UBTD1: variants seen among roughly 807,000 people sequenced by gnomAD.
UBTD1 encodes ubiquitin domain-containing protein 1.
Under a neutral mutation model 21.7 loss-of-function variants are expected in UBTD1, and 19 were observed. That is an observed-to-expected ratio of 0.87 (90% CI 0.61 to 1.28). UBTD1 has a LOEUF of 1.28. Ranked by LOEUF, UBTD1 falls within the 50% of genes most tolerant of loss-of-function variation. UBTD1 has a pLI of 0.00. For missense variants in UBTD1, 282 were observed against 315.1 expected (o/e 0.89, Z 0.80); for synonymous variants, 116 against 135.1 (o/e 0.86, Z 0.98).
Position 97,570,666 on chromosome 10 carries a change from A to G in UBTD1, c.*143A>G. Reference sequence around the variant, plus strand: ...GAGCCGTGAAGGGACCCTGCCTTTCAGGGCACTACGCGCCACCAGTTCCCG... The same window carrying G: ...GAGCCGTGAAGGGACCCTGCCTTTCGGGGCACTACGCGCCACCAGTTCCCG... On this transcript the variant is annotated 3_prime_UTR_variant, in exon 3 of 3. Transcript: ENST00000370664. This position sits in a 1 kb window ranked among gnomAD's most constrained non-coding sequence, Gnocchi z 6.6. The G allele has an allele frequency of 9.5e-7, 1 of 1,050,602 alleles. No homozygotes were observed. Among genetic ancestry groups the G allele is most frequent in the South Asian group, 1.7e-5 (1 of 60,234 alleles). The allele number at this position is 1,050,602 out of a possible 1,614,324, so 65.1% of individuals were successfully genotyped here.
At chr10:97,551,605 C>T (rs1337658280) in intron 1 of UBTD1, among the ~76,000 whole-genome samples, 1 of 152,148 alleles carries the variant, frequency 6.6e-6, no homozygotes, top group East Asian at 1.9e-4. Flanking sequence ...GCTGCTGAAA[C>T]CAGCAGAGCC....
chr10:97,565,643 T>C (rs1331536200), intron 1 of UBTD1, among the ~76,000 whole-genome samples: 1 of 152,134 alleles, frequency 6.6e-6, no homozygotes, highest in Non-Finnish European at 1.5e-5. Flanking sequence ...CAGAGTGACC[T>C]TGTCTCTCAA....
chr10:97,563,597 C>G (rs912997484), intron 1 of UBTD1, among the ~76,000 whole-genome samples: 1 of 151,934 alleles, frequency 6.6e-6, no homozygotes, highest in African/African-American at 2.4e-5. Context: ...GAGGGTACCC[C>G]GTCAGCAAAG....
chr10:97,567,593 A>C (rs2135690055), intron 1 of UBTD1, among the ~76,000 whole-genome samples: 1 of 152,024 alleles, frequency 6.6e-6, no homozygotes, highest in African/African-American at 2.4e-5. Flanking sequence ...CGGGAGGCGG[A>C]GGTTGCAGTG....
intron 1 of UBTD1, among the ~76,000 whole-genome samples, chr10:97,530,532 T>A (rs763978662): frequency 1.1e-4 from 16 of 152,116 alleles, no homozygotes; most frequent in Non-Finnish European, 1.6e-4. Flanking sequence ...AAAAACAGGA[T>A]TTTTTTGAAG....
chr10:97,563,094 G>A (rs2135687802), intron 1 of UBTD1, among the ~76,000 whole-genome samples: 1 of 152,242 alleles, frequency 6.6e-6, no homozygotes, highest in South Asian at 2.1e-4. Flanking sequence ...GATTAGTGAT[G>A]GCCTGGATGT....
chr10:97,558,661 A>G (rs1294993649), intron 1 of UBTD1, among the ~76,000 whole-genome samples: 1 of 150,950 alleles, frequency 6.6e-6, no homozygotes, highest in Non-Finnish European at 1.5e-5. Flanking sequence ...TTTTTAACTC[A>G]TGAAAAGCTC....
intron 1 of UBTD1, among the ~76,000 whole-genome samples, chr10:97,509,920 G>A (rs1157946970): frequency 6.6e-6 from 1 of 151,026 alleles, no homozygotes; most frequent in Non-Finnish European, 1.5e-5. Flanking sequence ...CAAAGTGTTG[G>A]GATTACAGGC....
chr10:97,522,899 T>C (rs1197410495), intron 1 of UBTD1, among the ~76,000 whole-genome samples: 1 of 152,220 alleles, frequency 6.6e-6, no homozygotes, highest in Non-Finnish European at 1.5e-5. Context: ...CCCTGGCCAC[T>C]CCTGCCTGCG....
chr10:97,535,832 C>T (rs541095752), intron 1 of UBTD1, among the ~76,000 whole-genome samples: 4 of 151,686 alleles, frequency 2.6e-5, no homozygotes, highest in South Asian at 2.1e-4. Context: ...GTAGAAGGAT[C>T]GCTTGATGCC....
intron 1 of UBTD1, among the ~76,000 whole-genome samples, chr10:97,558,345 C>G (rs988532376): frequency 2.0e-5 from 3 of 152,152 alleles, no homozygotes; most frequent in Non-Finnish European, 2.9e-5. Flanking sequence ...CATTCGTTAG[C>G]TAATGATGTC....
intron 1 of UBTD1, among the ~76,000 whole-genome samples, chr10:97,566,322 A>G (rs546175195): frequency 7.0e-6 from 1 of 142,098 alleles, no homozygotes; most frequent in African/African-American, 2.6e-5. Context: ...TTGGAACTTT[A>G]TCTTGGGAAT....
rs2040292177 is a variant in UBTD1, at chr10:97,499,122, C to T, written c.-82C>T. The T allele has an allele frequency of 4.2e-6, 6 of 1,423,868 alleles. No homozygotes were observed. The South Asian group carries it at 6.9e-5, about 16-fold the overall frequency. The allele number at this position is 1,423,868 out of a possible 1,614,324, so 88.2% of individuals were successfully genotyped here. On this transcript the variant is annotated 5_prime_UTR_variant, in exon 1 of 3. Transcript: ENST00000370664. ...GCGCCCGATGCCGGGCGGCCGGAGC[C>T]ATTGACCCGGGACGCCGCCGTCCGC...
chr10:97,548,798 C>T (rs1004556043), intron 1 of UBTD1, among the ~76,000 whole-genome samples: 1 of 152,064 alleles, frequency 6.6e-6, no homozygotes, highest in Non-Finnish European at 1.5e-5. Context: ...AAACGAAAAC[C>T]CTAGAGTTAG....
At chr10:97,569,522 G>T (rs1280140218) in intron 2 of UBTD1, among the ~76,000 whole-genome samples, 1 of 152,210 alleles carries the variant, frequency 6.6e-6, no homozygotes, top group Non-Finnish European at 1.5e-5. Context: ...TGGTCATCAG[G>T]CTGTCCTAGG....
At position 97,541,400 on chromosome 10, in the gene UBTD1, C is replaced by T. The variant is rs559908841; in HGVS notation, c.71-26514C>T. 4.7e-4 allele frequency among the ~76,000 whole-genome samples: 71 copies of T among 151,946 alleles called. 1 individual carries two copies. Among genetic ancestry groups the T allele is most frequent in the Admixed American group, 4.1e-3 (63 of 15,258 alleles). Reference sequence around the variant, plus strand: ...GGTTGAGACGGGAGGATTGCTTGAGCGCAGGAGGTCAAGGCTGCAGTGGGC... The same window carrying T: ...GGTTGAGACGGGAGGATTGCTTGAGTGCAGGAGGTCAAGGCTGCAGTGGGC... On this transcript the variant is annotated intron_variant, in intron 1 of 2. Transcript: ENST00000370664.
chr10:97,550,151 C>T (rs1003405535), intron 1 of UBTD1, among the ~76,000 whole-genome samples: 8 of 152,134 alleles, frequency 5.3e-5, no homozygotes, highest in Non-Finnish European at 8.8e-5. Context: ...GTGTGAGAGC[C>T]GTGTCTCTCA....
intron 1 of UBTD1, among the ~76,000 whole-genome samples, chr10:97,549,072 G>A (rs539232609): frequency 4.1e-4 from 62 of 152,332 alleles, no homozygotes; most frequent in African/African-American, 1.4e-3. Flanking sequence ...CCTGTCTCAC[G>A]CATGTGTGCC....
Position 97,567,897 on chromosome 10 carries a change from CCTT to C in UBTD1, c.71-14_71-12del, listed in dbSNP as rs1485330844. On this transcript the variant is annotated splice_polypyrimidine_tract_variant and intron_variant, in intron 1 of 2. Coordinates refer to ENST00000370664, the MANE Select transcript of UBTD1 (RefSeq NM_024954.5). ...GTGGCTTTAGAGATGCTGAGCCTCT[CCTT>C]CTGTCCTGCCCAGGACGCAATGAGC... The C allele has an allele frequency of 3.7e-6, 6 of 1,613,606 alleles. No homozygotes were observed. The highest frequency in any genetic ancestry group is 2.2e-5 in the South Asian group (2 of 91,056).
Sources: gnomAD v4.1 joint callset for allele counts (sites outside exome capture counted in the v4.1 genomes callset) on GRCh38, gnomAD v4.1.1 for gene constraint, Gnocchi (gnomAD v3.1) non-coding constraint, MANE v1.5 for transcripts, NCBI Gene and HGNC (gene_info 2026-07-23, HGNC 2026-07-21) for gene names.